KCNIP4: variants seen among roughly 807,000 people sequenced by gnomAD.
KCNIP4 encodes the protein Kv channel-interacting protein 4.
A neutral mutation model predicts 34.0 loss-of-function variants in KCNIP4; 12 were observed. The observed-to-expected ratio is 0.35, with a 90% CI of 0.23 to 0.57. The LOEUF is 0.57. Among genes scored for constraint, KCNIP4 ranks in the 20% least tolerant of loss-of-function variants. KCNIP4 has a pLI of 0.83. For missense variants in KCNIP4, 238 were observed against 311.7 expected (o/e 0.76, Z 1.78); for synonymous variants, 124 against 102.2 (o/e 1.21, Z -1.29).
chr4:21,761,713 C>A (rs1718068483), intron 1 of KCNIP4, among the ~76,000 whole-genome samples: 1 of 151,816 alleles, frequency 6.6e-6, no homozygotes, highest in East Asian at 1.9e-4. Flanking sequence ...TTAATTATTT[C>A]TTCCATATTT....
intron 3 of KCNIP4, among the ~76,000 whole-genome samples, chr4:20,775,730 T>G (rs573459497): frequency 6.5e-4 from 99 of 152,024 alleles, no homozygotes; most frequent in Non-Finnish European, 1.2e-3. Context: ...AAAAGAATAA[T>G]GATGATTGTT....
intron 1 of KCNIP4, among the ~76,000 whole-genome samples, chr4:20,907,319 T>A (rs59101447): frequency 0.018 from 2,743 of 152,194 alleles, 73 homozygotes; most frequent in African/African-American, 0.063. Flanking sequence ...AATGTAAGAG[T>A]TTTGTCTAGA....
At chr4:21,142,173 A>T (rs1044227314) in intron 1 of KCNIP4, among the ~76,000 whole-genome samples, 1 of 150,552 alleles carries the variant, frequency 6.6e-6, no homozygotes, top group African/African-American at 2.4e-5. Flanking sequence ...AAAAAAACCC[A>T]AAAAACAAAC....
chr4:20,903,338 C>G (rs536072290), intron 1 of KCNIP4, among the ~76,000 whole-genome samples: 9 of 152,220 alleles, frequency 5.9e-5, no homozygotes, highest in Non-Finnish European at 1.0e-4. Context: ...AAATATGACA[C>G]TTTGGTCATA....
rs529630762 is a variant in KCNIP4 at position 20,795,909 on chromosome 4, G to T, written c.289-37019C>A. Among the ~76,000 whole-genome samples the T allele has an allele frequency of 3.3e-4, 50 of 152,200 alleles. 1 individual carries two copies. Among genetic ancestry groups the T allele is most frequent in the African/African-American group, 1.0e-3 (42 of 41,542 alleles). On this transcript the variant is annotated intron_variant, in intron 3 of 8. Coordinates refer to ENST00000382152, the MANE Select transcript of KCNIP4 (RefSeq NM_025221.6). ...GGACACAGGGCTCAACATTACAGAAGAAATTGTATCAGTCTTTAACATCTT... is the reference window on the plus strand; with the variant it reads ...GGACACAGGGCTCAACATTACAGAATAAATTGTATCAGTCTTTAACATCTT...
At chr4:21,548,659 CAA>C (rs34679666) in intron 1 of KCNIP4, among the ~76,000 whole-genome samples, 1 of 147,344 alleles carries the variant, frequency 6.8e-6, no homozygotes, top group South Asian at 2.1e-4. Flanking sequence ...TTCTCATATA[CAA>C]AAAAAAAATG....
Position 21,453,017 on chromosome 4 carries a change from C to A in KCNIP4, c.61+495554G>T, listed in dbSNP as rs190528466. On this transcript the variant is annotated intron_variant, in intron 1 of 8. Transcript: ENST00000382152. ...TTGTGGCAACCCATAGTTTAGGCAC[C>A]TTTTAGCCATTATTACATTATTTTC... Among the ~76,000 whole-genome samples, 376 of 152,156 alleles carry A rather than the reference C, an allele frequency of 2.5e-3. 2 individuals are homozygous for A. Among genetic ancestry groups the A allele is most frequent in the African/African-American group, 8.3e-3 (344 of 41,508 alleles).
At chr4:21,700,559 G>GTT (rs540832640) in intron 1 of KCNIP4, among the ~76,000 whole-genome samples, 4 of 145,428 alleles carry the variant, frequency 2.8e-5, no homozygotes, top group Non-Finnish European at 5.9e-5. Flanking sequence ...TGTTTTTGTT[G>GTT]TTTTTTTTTG....
At chr4:21,332,082 G>T (rs1715695330) in intron 1 of KCNIP4, among the ~76,000 whole-genome samples, 1 of 151,876 alleles carries the variant, frequency 6.6e-6, no homozygotes, top group Admixed American at 6.6e-5. Context: ...TGATTCCAAG[G>T]ATCTATAAAA....
intron 3 of KCNIP4, among the ~76,000 whole-genome samples, chr4:20,823,697 A>G (rs1028141848): frequency 6.6e-6 from 1 of 152,204 alleles, no homozygotes; most frequent in African/African-American, 2.4e-5. Context: ...AGCCTCCAGA[A>G]CTATGATCAA....
chr4:20,735,594 A>G (rs910217074), intron 5 of KCNIP4, among the ~76,000 whole-genome samples: 3 of 144,504 alleles, frequency 2.1e-5, no homozygotes, highest in Non-Finnish European at 4.5e-5. Context: ...CAGTGGCACA[A>G]TCTTGGCTCA....
At position 20,797,349 on chromosome 4, in the gene KCNIP4, C is replaced by G. The variant is rs78166988; in HGVS notation, c.289-38459G>C. ...GCCTGAGAATATCTAGCTGTGACTT[C>G]AGAGAGAATAATAGTACACCCTTGA... On this transcript the variant is annotated intron_variant, in intron 3 of 8. Coordinates refer to ENST00000382152, the MANE Select transcript of KCNIP4 (RefSeq NM_025221.6). Among the ~76,000 whole-genome samples the G allele has an allele frequency of 2.0e-3, 301 of 152,260 alleles. 3 individuals carry two copies. In the East Asian group the frequency reaches 0.05, roughly 25 times the overall value.
At chr4:21,271,822 G>C (rs1251536015) in intron 1 of KCNIP4, among the ~76,000 whole-genome samples, 1 of 152,134 alleles carries the variant, frequency 6.6e-6, no homozygotes, top group Admixed American at 6.6e-5. Context: ...ATTATCTGCT[G>C]GTTTGGCAGT....
At chr4:21,538,808 A>G (rs1005245589) in intron 1 of KCNIP4, among the ~76,000 whole-genome samples, 5 of 152,212 alleles carry the variant, frequency 3.3e-5, no homozygotes, top group African/African-American at 1.2e-4. Flanking sequence ...GGCACGACTG[A>G]AAACATAAAA....
chr4:21,785,841 T>C (rs1199635738), intron 1 of KCNIP4, among the ~76,000 whole-genome samples: 1 of 152,244 alleles, frequency 6.6e-6, no homozygotes, highest in Non-Finnish European at 1.5e-5. Context: ...ATTTTATTTA[T>C]CCATTCGTCA....
intron 1 of KCNIP4, among the ~76,000 whole-genome samples, chr4:21,130,116 T>C (rs76103584): frequency 9.2e-5 from 14 of 151,990 alleles, no homozygotes; most frequent in African/African-American, 3.4e-4. Flanking sequence ...CTTTTTTTTT[T>C]AATCCTTCTA....
chr4:20,956,235 G>A (rs1733288973), intron 1 of KCNIP4, among the ~76,000 whole-genome samples: 1 of 152,178 alleles, frequency 6.6e-6, no homozygotes, highest in Non-Finnish European at 1.5e-5. Context: ...GTATAAAAAT[G>A]CATAATGTTT....
At chr4:20,968,052 A>G (rs1375194138) in intron 1 of KCNIP4, among the ~76,000 whole-genome samples, 1 of 152,238 alleles carries the variant, frequency 6.6e-6, no homozygotes, top group Non-Finnish European at 1.5e-5. Context: ...GCTAATATCC[A>G]GAATCTAGAA....
intron 1 of KCNIP4, chr4:21,847,245 T>C (rs1724074263): frequency 6.6e-6 from 1 of 152,098 alleles, no homozygotes; most frequent in Non-Finnish European, 1.5e-5. Flanking sequence ...AATGCAATAG[T>C]TGAAATACAC....
Sources: allele counts gnomAD v4.1 joint callset (sites outside exome capture counted in the v4.1 genomes callset), GRCh38; gene constraint gnomAD v4.1.1; transcripts MANE v1.5; gene names NCBI Gene and HGNC (gene_info 2026-07-23, HGNC 2026-07-21).